SMYD3: variants seen among roughly 807,000 people sequenced by gnomAD.
SMYD3 encodes SET and MYND domain containing 3.
In SMYD3, 36 loss-of-function variants were observed where a neutral mutation model predicts 57.7. That is an observed-to-expected ratio of 0.62 (90% CI 0.48 to 0.82). The LOEUF (loss-of-function observed/expected upper bound fraction) is 0.82. Among genes scored for constraint, SMYD3 ranks in the 40% least tolerant of loss-of-function variants. The pLI, the probability that SMYD3 is intolerant of heterozygous loss-of-function variation, is 0.00. For missense variants in SMYD3, 515 were observed against 538.8 expected (o/e 0.96, Z 0.44); for synonymous variants, 211 against 195.0 (o/e 1.08, Z -0.68).
At chr1:245,832,951 C>T (rs1327987864) in intron 10 of SMYD3, among the ~76,000 whole-genome samples, 1 of 151,770 alleles carries the variant, frequency 6.6e-6, no homozygotes, top group East Asian at 1.9e-4. Context: ...GGGGAATCAG[C>T]ATTCCAAGAA....
intron 5 of SMYD3, among the ~76,000 whole-genome samples, chr1:246,017,507 G>A (rs536034200): frequency 5.3e-5 from 8 of 152,248 alleles, no homozygotes; most frequent in South Asian, 4.2e-4. Context: ...TGTATAATGC[G>A]TCTCAGTTTG....
chr1:246,479,037 A>G (rs1371291975), intron 1 of SMYD3, among the ~76,000 whole-genome samples: 1,235 of 74,822 alleles, frequency 0.017, no homozygotes, highest in African/African-American at 0.021. Context: ...CCTGGAGCTG[A>G]TACATAAGTG....
chr1:245,888,739 G>A (rs1281755993), intron 8 of SMYD3, among the ~76,000 whole-genome samples: 1 of 152,186 alleles, frequency 6.6e-6, no homozygotes, highest in Non-Finnish European at 1.5e-5. Context: ...AGCTCTGAAG[G>A]TATGCAATCA....
intron 10 of SMYD3, among the ~76,000 whole-genome samples, chr1:245,774,491 A>C (rs1297643204): frequency 6.6e-6 from 1 of 152,214 alleles, no homozygotes; most frequent in African/African-American, 2.4e-5. Flanking sequence ...TTCAAGAATA[A>C]GATTGAAGAG....
Position 246,002,565 on chromosome 1 carries a change from G to A in SMYD3, c.532-72628C>T, listed in dbSNP as rs368703663. On this transcript the variant is annotated intron_variant, in intron 5 of 11. Coordinates refer to ENST00000490107, the MANE Select transcript of SMYD3 (RefSeq NM_001167740.2). ...GATCTCCTGACCTCGTGATCCGACC[G>A]CCTCGGCCTCCCAAAGTGCTGGGAT... is the stretch of plus-strand genomic sequence containing the variant. Among the ~76,000 whole-genome samples, 378 of 80,750 alleles carry A rather than the reference G, an allele frequency of 4.7e-3. 20 individuals are homozygous for A. Among genetic ancestry groups the A allele is most frequent in the South Asian group, 0.012 (17 of 1,376 alleles). 53.0% of individuals were successfully genotyped at this position (80,750 alleles called of 152,430 possible). A position where few individuals can be genotyped will look rare whatever the true frequency, so the allele number is the denominator to read the frequency against.
chr1:245,874,187 C>T (rs926121091), intron 8 of SMYD3, among the ~76,000 whole-genome samples: 6 of 152,178 alleles, frequency 3.9e-5, no homozygotes, highest in African/African-American at 1.4e-4. Flanking sequence ...GGACTGAAGA[C>T]AACACTCAAC....
intron 5 of SMYD3, among the ~76,000 whole-genome samples, chr1:245,996,149 T>C (rs574832002): frequency 6.6e-6 from 1 of 152,312 alleles, no homozygotes; most frequent in East Asian, 1.9e-4. Flanking sequence ...AGAGAAGCCA[T>C]CTTCTCTGAC....
At chr1:245,757,112 C>T (rs1179419571) in intron 11 of SMYD3, among the ~76,000 whole-genome samples, 2 of 152,046 alleles carry the variant, frequency 1.3e-5, no homozygotes, top group African/African-American at 4.8e-5. Context: ...TGTACTGAAA[C>T]TGTGTACCCA....
intron 5 of SMYD3, among the ~76,000 whole-genome samples, chr1:246,243,557 C>A (rs12126547): frequency 0.15 from 22,624 of 150,998 alleles, 2,261 homozygotes; most frequent in East Asian, 0.33. Flanking sequence ...CAGATCTTAA[C>A]CCCCAAGTTT....
At chr1:246,392,989 G>A (rs539329311) in intron 1 of SMYD3, among the ~76,000 whole-genome samples, 1 of 152,182 alleles carries the variant, frequency 6.6e-6, no homozygotes, top group South Asian at 2.1e-4. Context: ...GAGAATACAG[G>A]TGTTGACAAA....
At chr1:245,859,734 A>G (rs945800770) in intron 9 of SMYD3, among the ~76,000 whole-genome samples, 1 of 152,162 alleles carries the variant, frequency 6.6e-6, no homozygotes, top group African/African-American at 2.4e-5. Context: ...CTCCAAATTC[A>G]TCTGCTTCAT....
chr1:246,046,975 CAG>C (rs1183449127), intron 5 of SMYD3, among the ~76,000 whole-genome samples: 1 of 151,856 alleles, frequency 6.6e-6, no homozygotes, highest in Non-Finnish European at 1.5e-5. Flanking sequence ...ATATAACAAA[CAG>C]AAAATATTAT....
intron 5 of SMYD3, among the ~76,000 whole-genome samples, chr1:246,009,784 T>C (rs567713898): frequency 1.8e-4 from 27 of 146,426 alleles, no homozygotes; most frequent in African/African-American, 6.5e-4. Flanking sequence ...TATTGGAATA[T>C]GACGTTGTCT....
chr1:245,907,458 A>G (rs564031366), intron 8 of SMYD3, among the ~76,000 whole-genome samples: 44 of 152,322 alleles, frequency 2.9e-4, no homozygotes, highest in African/African-American at 1.0e-3. Flanking sequence ...CTAGCTCTAA[A>G]AAAAATTCTT....
intron 5 of SMYD3, among the ~76,000 whole-genome samples, chr1:246,178,058 G>A (rs2062463529): frequency 6.6e-6 from 1 of 152,130 alleles, no homozygotes. Flanking sequence ...AACTTGCTTT[G>A]GTAATTTATT....
chr1:246,470,449 C>T (rs572136658), intron 1 of SMYD3, among the ~76,000 whole-genome samples: 4 of 150,894 alleles, frequency 2.7e-5, no homozygotes, highest in East Asian at 1.9e-4. Flanking sequence ...TGCCCAAGAT[C>T]ACACCACTGC....
At chr1:246,087,713 A>T (rs73139815) in intron 5 of SMYD3, among the ~76,000 whole-genome samples, 2,326 of 152,290 alleles carry the variant, frequency 0.015, 63 homozygotes, top group African/African-American at 0.052. Flanking sequence ...ACTTTCAACA[A>T]GTAAAACAAA....
At chr1:245,943,044 A>T (rs2057305980) in intron 5 of SMYD3, among the ~76,000 whole-genome samples, 1 of 152,022 alleles carries the variant, frequency 6.6e-6, no homozygotes, top group East Asian at 1.9e-4. Context: ...AAAGACCTCA[A>T]ATCGACATCC....
intron 5 of SMYD3, among the ~76,000 whole-genome samples, chr1:246,242,279 T>G (rs1339370746): frequency 6.6e-6 from 1 of 152,220 alleles, no homozygotes; most frequent in African/African-American, 2.4e-5. Context: ...CCAGAGATTC[T>G]GGCATGTTGT....
Sources: allele counts gnomAD v4.1 joint callset (sites outside exome capture counted in the v4.1 genomes callset), GRCh38; gene constraint gnomAD v4.1.1; transcripts MANE v1.5; gene names NCBI Gene and HGNC (gene_info 2026-07-23, HGNC 2026-07-21).